FAM169A: variants seen among roughly 807,000 people sequenced by gnomAD.
FAM169A encodes family with sequence similarity 169 member A, also known as soluble lamin-associated protein of 75 kDa.
FAM169A carries 24 observed loss-of-function variants against 75.7 expected under a neutral mutation model. That is an observed-to-expected ratio of 0.32 (90% CI 0.23 to 0.45). The LOEUF (loss-of-function observed/expected upper bound fraction) is 0.45. Ranked by LOEUF, FAM169A falls within the 20% of genes least tolerant of loss-of-function variation. FAM169A has a pLI of 1.00. For synonymous variants in FAM169A, 271 were observed against 271.0 expected (o/e 1.00, Z 0.00); for missense variants, 673 against 784.0 (o/e 0.86, Z 1.69).
chr5:74,818,836 A>G (rs918345589), intron 5 of FAM169A, among the ~76,000 whole-genome samples: 3 of 148,006 alleles, frequency 2.0e-5, no homozygotes, highest in Non-Finnish European at 4.5e-5. Flanking sequence ...TCAAAGCACA[A>G]TTTTCAACTT....
intron 1 of FAM169A, chr5:74,848,871 TTC>T (rs932284951): frequency 2.5e-4 from 38 of 152,172 alleles, no homozygotes; most frequent in African/African-American, 8.2e-4. Flanking sequence ...AATCCCTTGC[TTC>T]TCTCTCTTTT....
intron 11 of FAM169A, among the ~76,000 whole-genome samples, chr5:74,786,526 C>T (rs1745702990): frequency 6.6e-6 from 1 of 152,156 alleles, no homozygotes; most frequent in Admixed American, 6.5e-5. Flanking sequence ...TGATACACCG[C>T]TCGTGAGAGG....
rs550220203 is a variant in FAM169A, at chr5:74,778,478, A to G, written c.*2982T>C. ...TGTAGGTAGTGTTCTGGAGTCTGCT[A>G]TAAGTAAATCTTTAATGACTAGATG... On this transcript the variant is annotated 3_prime_UTR_variant, in exon 13 of 13. Coordinates refer to ENST00000687041, the MANE Select transcript of FAM169A (RefSeq NM_001376049.1). 5 of 152,140 alleles carry G rather than the reference A, an allele frequency of 3.3e-5. No individual in the cohort carries two copies. In the South Asian group the frequency reaches 6.2e-4, roughly 19 times the overall value. The allele number at this position is 152,140 out of a possible 1,614,324, so 9.4% of individuals were successfully genotyped here. A position where few individuals can be genotyped will look rare whatever the true frequency, so the allele number is the denominator to read the frequency against.
chr5:74,780,004 G>C lies in FAM169A; in HGVS notation c.*1456C>G, dbSNP rs1436147754. On this transcript the variant is annotated 3_prime_UTR_variant, in exon 13 of 13. Coordinates refer to ENST00000687041, the MANE Select transcript of FAM169A (RefSeq NM_001376049.1). ...GGTCTCAAAACATTCTCCAACTTAA[G>C]TGCAAATTTGAGTACACATAATATT... is the stretch of plus-strand genomic sequence containing the variant. 6.6e-6 allele frequency: 1 copy of C among 152,094 alleles called. No individual in the cohort carries two copies. Among genetic ancestry groups the C allele is most frequent in the Non-Finnish European group, 1.5e-5 (1 of 68,018 alleles). The allele number at this position is 152,094 out of a possible 1,614,324, so 9.4% of individuals were successfully genotyped here. A position where few individuals can be genotyped will look rare whatever the true frequency, so the allele number is the denominator to read the frequency against.
intron 1 of FAM169A, among the ~76,000 whole-genome samples, chr5:74,848,065 G>GAC (rs1749251386): frequency 6.6e-6 from 1 of 152,022 alleles, no homozygotes; most frequent in South Asian, 2.1e-4. Flanking sequence ...CAAAGGCCCA[G>GAC]ACACACACAC....
intron 5 of FAM169A, among the ~76,000 whole-genome samples, chr5:74,821,744 A>C (rs560855793): frequency 1.3e-5 from 2 of 152,300 alleles, no homozygotes; most frequent in South Asian, 4.1e-4. Flanking sequence ...CACAATCATG[A>C]AGGAACTGTT....
chr5:74,840,213 T>TA (rs1748786100), intron 2 of FAM169A, 40 bp from the exon 3 acceptor site: 1 of 879,760 alleles, frequency 1.1e-6, no homozygotes, highest in Admixed American at 2.5e-5. Context: ...AACAGTCTGT[T>TA]AAGAAAATAC....
intron 8 of FAM169A, 39 bp from the exon 9 acceptor site, chr5:74,801,668 AT>A: frequency 6.7e-7 from 1 of 1,494,864 alleles, no homozygotes; most frequent in Non-Finnish European, 9.3e-7. Context: ...GTTTTAGACT[AT>A]TTTTTCTCCC....
At chr5:74,788,297 T>C (rs1233650219) in intron 11 of FAM169A, among the ~76,000 whole-genome samples, 2 of 152,202 alleles carry the variant, frequency 1.3e-5, no homozygotes, top group East Asian at 1.9e-4. Flanking sequence ...TTAATTGGCA[T>C]AGACATACTT....
intron 5 of FAM169A, among the ~76,000 whole-genome samples, chr5:74,829,711 C>A (rs761098264): frequency 2.0e-5 from 3 of 152,116 alleles, no homozygotes; most frequent in African/African-American, 7.2e-5. Context: ...TGGTGACTCA[C>A]GCCTATAATC....
At chr5:74,863,054 G>T (rs1750124070) in intron 1 of FAM169A, among the ~76,000 whole-genome samples, 1 of 149,912 alleles carries the variant, frequency 6.7e-6, no homozygotes, top group African/African-American at 2.4e-5. Context: ...GGGGTGGGAG[G>T]AATCTAGGTA....
At chr5:74,783,282 C>A (rs1242703775) in intron 11 of FAM169A, 148 bp from the exon 12 acceptor site, 15 of 603,654 alleles carry the variant, frequency 2.5e-5, no homozygotes, top group Non-Finnish European at 3.8e-5. Context: ...AACAGTCTTA[C>A]TGGGGGAAGG....
At chr5:74,864,947 C>G (rs1441055397) in intron 1 of FAM169A, among the ~76,000 whole-genome samples, 1 of 152,056 alleles carries the variant, frequency 6.6e-6, no homozygotes, top group Non-Finnish European at 1.5e-5. Flanking sequence ...CACTTTATAG[C>G]ACGATAAGGG....
chr5:74,802,163 A>G (rs1321131728), intron 8 of FAM169A, among the ~76,000 whole-genome samples: 1 of 152,198 alleles, frequency 6.6e-6, no homozygotes, highest in Non-Finnish European at 1.5e-5. Flanking sequence ...CCTAACTCAC[A>G]TGTAATCAAT....
chr5:74,849,391 G>C lies in FAM169A; in HGVS notation c.-3-7712C>G, dbSNP rs16872332. ...GGAACATATTCTACATGTTCAGCTC[G>C]TAAGTTATTTCATGATTCTTACAGG... On this transcript the variant is annotated intron_variant, in intron 1 of 12. Coordinates refer to ENST00000687041, the MANE Select transcript of FAM169A (RefSeq NM_001376049.1). Among the ~76,000 whole-genome samples, 1,358 of 152,014 alleles carry C rather than the reference G, an allele frequency of 8.9e-3. 23 individuals are homozygous for C. Among genetic ancestry groups the C allele is most frequent in the African/African-American group, 0.031 (1,301 of 41,470 alleles).
chr5:74,797,588 A>G (rs916150958), intron 10 of FAM169A, among the ~76,000 whole-genome samples: 1 of 152,230 alleles, frequency 6.6e-6, no homozygotes, highest in Non-Finnish European at 1.5e-5. Flanking sequence ...TAGATACAAT[A>G]GCCACGAGAC....
chr5:74,805,833 T>C (rs2112546836), intron 6 of FAM169A, among the ~76,000 whole-genome samples: 1 of 152,020 alleles, frequency 6.6e-6, no homozygotes, highest in East Asian at 1.9e-4. Context: ...GATCTATAAA[T>C]TCCATGCAAT....
intron 1 of FAM169A, among the ~76,000 whole-genome samples, chr5:74,853,547 G>A (rs11740871): frequency 6.6e-6 from 1 of 151,952 alleles, no homozygotes; most frequent in African/African-American, 2.4e-5. Context: ...CAAGACAACA[G>A]GCCAACATAA....
At chr5:74,800,414 A>G (rs1022421547) in intron 10 of FAM169A, among the ~76,000 whole-genome samples, 4 of 152,206 alleles carry the variant, frequency 2.6e-5, no homozygotes, top group South Asian at 2.1e-4. Flanking sequence ...CGGGGGGAAA[A>G]AAACTGACTA....
Sources: gnomAD v4.1 joint callset for allele counts (sites outside exome capture counted in the v4.1 genomes callset) on GRCh38, gnomAD v4.1.1 for gene constraint, MANE v1.5 for transcripts, NCBI Gene and HGNC (gene_info 2026-07-23, HGNC 2026-07-21) for gene names.